CHN1: variants seen among roughly 807,000 people sequenced by gnomAD.
CHN1 encodes N-chimaerin.
CHN1 carries 37 observed loss-of-function variants against 59.5 expected under a neutral mutation model. That is an observed-to-expected ratio of 0.62 (90% CI 0.48 to 0.82). The LOEUF is 0.82. Among genes scored for constraint, CHN1 ranks in the 40% least tolerant of loss-of-function variants. CHN1 has a pLI of 0.00. For synonymous variants in CHN1, 206 were observed against 200.4 expected, an observed-to-expected ratio of 1.03 and a Z score of -0.24; for missense variants, 469 against 571.0, an observed-to-expected ratio of 0.82 and a Z score of 1.82.
chr2:174,892,624 G>A (rs1688088037), intron 5 of CHN1, among the ~76,000 whole-genome samples: 1 of 152,162 alleles, frequency 6.6e-6, no homozygotes, highest in African/African-American at 2.4e-5. Context: ...TATGATGCTA[G>A]CATTACTGTG....
chr2:174,991,623 C>A (rs759342466), intron 1 of CHN1, among the ~76,000 whole-genome samples: 6 of 152,058 alleles, frequency 3.9e-5, no homozygotes, highest in Non-Finnish European at 5.9e-5. Context: ...AACAATACTG[C>A]AGGAATACAT....
chr2:174,955,050 A>C (rs901522005), intron 1 of CHN1, among the ~76,000 whole-genome samples: 1 of 151,770 alleles, frequency 6.6e-6, no homozygotes, highest in Non-Finnish European at 1.5e-5. Context: ...AATGCCCATC[A>C]ATCAACAAGT....
At chr2:174,844,530 A>G (rs761711854) in intron 7 of CHN1, among the ~76,000 whole-genome samples, 1 of 152,190 alleles carries the variant, frequency 6.6e-6, no homozygotes, top group Non-Finnish European at 1.5e-5. Flanking sequence ...CACTTTTACC[A>G]CCATAATGAC....
At chr2:174,825,058 G>A (rs1396591944) in intron 7 of CHN1, among the ~76,000 whole-genome samples, 3 of 152,010 alleles carry the variant, frequency 2.0e-5, no homozygotes, top group East Asian at 1.9e-4. Flanking sequence ...ACTTACTTTC[G>A]AAAACTATAT....
In CHN1 at chr2:174,951,924, T is replaced by C. The variant is rs139310501; in HGVS notation, c.58+240A>G. Among the ~76,000 whole-genome samples the C allele has an allele frequency of 3.9e-5, 6 of 152,330 alleles. No individual in the cohort carries two copies. The East Asian group carries it at 5.8e-4, about 15-fold the overall frequency. ...CTGAACAAGTGGTCTCAAGTTTCAC[T>C]ACATGGAATTCATATAAGCTCAGAG... On this transcript the variant is annotated intron_variant, in intron 2 of 12. Coordinates refer to ENST00000409900, the MANE Select transcript of CHN1 (RefSeq NM_001822.7).
At chr2:174,948,859 A>T (rs1042046055) in intron 2 of CHN1, among the ~76,000 whole-genome samples, 1 of 152,216 alleles carries the variant, frequency 6.6e-6, no homozygotes, top group African/African-American at 2.4e-5. Flanking sequence ...ATTTTTAATA[A>T]CTAAATTTAA....
At chr2:174,871,106 C>T (rs1687391032) in intron 6 of CHN1, among the ~76,000 whole-genome samples, 1 of 150,712 alleles carries the variant, frequency 6.6e-6, no homozygotes, top group South Asian at 2.1e-4. Flanking sequence ...TTAATCATTA[C>T]AGCATGGGAT....
intron 6 of CHN1, among the ~76,000 whole-genome samples, chr2:174,858,840 A>G (rs1426899028): frequency 1.3e-5 from 2 of 152,042 alleles, no homozygotes; most frequent in Non-Finnish European, 2.9e-5. Flanking sequence ...TGTGGTCAGT[A>G]TGTTAGAAAG....
intron 1 of CHN1, among the ~76,000 whole-genome samples, chr2:174,958,811 C>G (rs1176916193): frequency 6.6e-6 from 1 of 152,150 alleles, no homozygotes; most frequent in South Asian, 2.1e-4. Flanking sequence ...TAAATAAGAA[C>G]CCTCTCCTGC....
At chr2:174,815,616 A>G (rs997393081) in intron 8 of CHN1, among the ~76,000 whole-genome samples, 12 of 147,714 alleles carry the variant, frequency 8.1e-5, no homozygotes, top group South Asian at 4.2e-4. Context: ...ATTTGTTTCA[A>G]GAGTGTTCAT....
chr2:174,983,519 T>C (rs1691231752), intron 1 of CHN1, among the ~76,000 whole-genome samples: 1 of 151,804 alleles, frequency 6.6e-6, no homozygotes, highest in African/African-American at 2.4e-5. Flanking sequence ...TCAGAACTCA[T>C]ACATTCATTA....
chr2:174,947,641 G>A (rs1316008397), intron 2 of CHN1, among the ~76,000 whole-genome samples: 4 of 151,712 alleles, frequency 2.6e-5, no homozygotes, highest in East Asian at 3.9e-4. Context: ...ACACCACCAC[G>A]TCAAGCTAAT....
chr2:174,891,568 C>CAA (rs80048899), intron 5 of CHN1, among the ~76,000 whole-genome samples: 1 of 93,668 alleles, frequency 1.1e-5, no homozygotes, highest in Non-Finnish European at 2.2e-5. Flanking sequence ...GACTCCATCT[C>CAA]AAAAAAAAAA....
chr2:174,916,485 T>G (rs556860256), intron 4 of CHN1, among the ~76,000 whole-genome samples: 3 of 152,182 alleles, frequency 2.0e-5, no homozygotes, highest in Non-Finnish European at 4.4e-5. Context: ...CAAAAGAAAT[T>G]TTGCAGCTTT....
intron 1 of CHN1, among the ~76,000 whole-genome samples, chr2:174,972,892 A>C (rs535325407): frequency 1.6e-4 from 24 of 152,324 alleles, no homozygotes; most frequent in South Asian, 6.2e-4. Flanking sequence ...GAACTAATAA[A>C]CATATTCTCC....
intron 7 of CHN1, among the ~76,000 whole-genome samples, chr2:174,830,520 T>TTCAGTTAAGCACCACGATAATG (rs1330488156): frequency 6.6e-6 from 1 of 152,174 alleles, no homozygotes; most frequent in Non-Finnish European, 1.5e-5. Context: ...GAGGTTTTGG[T>TTCAGTTAAGCACCACGATAATG]TCAGTTAAGC....
Position 174,964,196 on chromosome 2 carries a change from A to C in CHN1, c.20-11994T>G, listed in dbSNP as rs78282538. Among the ~76,000 whole-genome samples, 846 of 152,316 alleles carry C rather than the reference A, an allele frequency of 5.6e-3. 6 individuals are homozygous for C. The highest frequency in any genetic ancestry group is 9.3e-3 in the Non-Finnish European group (633 of 68,028). ...CAGATCAGCCTTTCTCCTCCTCTAA[A>C]GCAAGCCTGGATAATGTTTCAAGTG... On this transcript the variant is annotated intron_variant, in intron 1 of 12. Coordinates refer to ENST00000409900, the MANE Select transcript of CHN1 (RefSeq NM_001822.7).
intron 1 of CHN1, among the ~76,000 whole-genome samples, chr2:174,966,750 AAG>A (rs1336257499): frequency 6.6e-6 from 1 of 152,232 alleles, no homozygotes; most frequent in Non-Finnish European, 1.5e-5. Flanking sequence ...AGGTGAGAAG[AAG>A]AGAACTTCTG....
rs375897353 is a variant in CHN1 at position 174,860,939 on chromosome 2, G to A, written c.550-13982C>T. 8.6e-5 allele frequency among the ~76,000 whole-genome samples: 13 copies of A among 151,968 alleles called. 1 individual carries two copies. Among genetic ancestry groups the A allele is most frequent in the South Asian group, 4.2e-4 (2 of 4,794 alleles). On this transcript the variant is annotated intron_variant, in intron 6 of 12. Transcript: ENST00000409900. The stretch of plus-strand genomic sequence containing the variant: ...AGGGTAGTTTGTGACCATCTCATAC[G>A]GTCCTTTTATCAGAAATAATACAGA...
Sources: gnomAD v4.1 joint callset for allele counts (sites outside exome capture counted in the v4.1 genomes callset) on GRCh38, gnomAD v4.1.1 for gene constraint, MANE v1.5 for transcripts, NCBI Gene and HGNC (gene_info 2026-07-23, HGNC 2026-07-21) for gene names.